NR6A1: variants seen among roughly 807,000 people sequenced by gnomAD.
The protein encoded by NR6A1 is retinoic acid receptor-related testis-associated receptor.
NR6A1 carries 7 observed loss-of-function variants against 59.1 expected under a neutral mutation model. The ratio of observed to expected loss-of-function variants is 0.12; its 90% CI spans 0.07 to 0.22. The LOEUF is 0.22. Among genes scored for constraint, NR6A1 ranks in the 10% least tolerant of loss-of-function variants. The pLI, the probability that NR6A1 is intolerant of heterozygous loss-of-function variation, is 1.00. For synonymous variants in NR6A1, 243 were observed against 236.1 expected (o/e 1.03, Z -0.27); for missense variants, 468 against 611.6 (o/e 0.77, Z 2.48).
intron 8 of NR6A1, among the ~76,000 whole-genome samples, chr9:124,525,559 G>A (rs539156278): frequency 2.8e-4 from 43 of 152,046 alleles, no homozygotes; most frequent in Non-Finnish European, 2.4e-4. Context: ...GTCTCACTAC[G>A]TTGCTTGGGT....
intron 1 of NR6A1, among the ~76,000 whole-genome samples, chr9:124,765,868 CCT>C (rs1840921532): frequency 6.6e-6 from 1 of 152,172 alleles, no homozygotes; most frequent in Non-Finnish European, 1.5e-5. Flanking sequence ...ATGATGCTCT[CCT>C]CTTTTTCCTG....
chr9:124,725,262 CT>C (rs1433019489), intron 2 of NR6A1, among the ~76,000 whole-genome samples: 2 of 152,138 alleles, frequency 1.3e-5, no homozygotes, highest in Admixed American at 6.5e-5. Context: ...TAGAAATGAA[CT>C]TAGCCTGAAC....
chr9:124,553,040 T>C (rs1332436327), intron 3 of NR6A1, among the ~76,000 whole-genome samples: 1 of 152,218 alleles, frequency 6.6e-6, no homozygotes, highest in Non-Finnish European at 1.5e-5. Flanking sequence ...TTGCTGGGTA[T>C]TTTATATGTT....
chr9:124,712,648 G>A (rs1839312355), intron 2 of NR6A1, among the ~76,000 whole-genome samples: 1 of 150,606 alleles, frequency 6.6e-6, no homozygotes, highest in Admixed American at 6.6e-5. Context: ...ATGGCACCAA[G>A]ATTAAAACAT....
chr9:124,631,662 TTTTTAAC>T, intron 2 of NR6A1, among the ~76,000 whole-genome samples: 1 of 152,148 alleles, frequency 6.6e-6, no homozygotes, highest in East Asian at 1.9e-4. Flanking sequence ...CTGCATTTTT[TTTTTAAC>T]TTTTAAGTTC....
chr9:124,597,791 G>C (rs1352867520), intron 2 of NR6A1, among the ~76,000 whole-genome samples: 1 of 152,186 alleles, frequency 6.6e-6, no homozygotes, highest in African/African-American at 2.4e-5. Context: ...GGCGAGAGAA[G>C]ATGAACAGAC....
rs143087389 is a variant in NR6A1, at chr9:124,558,971, T to C, written c.143-4401A>G. ...TTCCTATTGCAAAGGATTTGAAGTG[T>C]ATAAGTGTATTTATAGCATGTTTAC... On this transcript the variant is annotated intron_variant, in intron 2 of 9. Coordinates refer to ENST00000487099, the MANE Select transcript of NR6A1 (RefSeq NM_033334.4). 1.3e-3 allele frequency among the ~76,000 whole-genome samples: 200 copies of C among 152,300 alleles called. 2 individuals are homozygous for C. Among genetic ancestry groups the C allele is most frequent in the African/African-American group, 4.3e-3 (178 of 41,562 alleles).
Position 124,771,230 on chromosome 9 carries a change from C to T in NR6A1, c.-111G>A. 3.6e-6 allele frequency: 2 copies of T among 554,476 alleles called. No individual in the cohort carries two copies. The highest frequency in any genetic ancestry group is 5.4e-6 in the Non-Finnish European group (2 of 370,730). 34.3% of individuals were successfully genotyped at this position (554,476 alleles called of 1,614,324 possible). On this transcript the variant is annotated 5_prime_UTR_variant, in exon 1 of 10. Coordinates refer to ENST00000487099, the MANE Select transcript of NR6A1 (RefSeq NM_033334.4). ...GGAGGTTGTCAGGAGCCCGCGAGCT[C>T]CCGGCCGCGGCTCTCTCTGGGCCCC...
intron 2 of NR6A1, among the ~76,000 whole-genome samples, chr9:124,609,705 G>A (rs1835683959): frequency 6.6e-6 from 1 of 152,214 alleles, no homozygotes; most frequent in Admixed American, 6.5e-5. Context: ...TAGGTGGTAT[G>A]GCCATTTTGA....
intron 7 of NR6A1, among the ~76,000 whole-genome samples, chr9:124,533,751 C>T (rs914427468): frequency 2.0e-5 from 3 of 151,896 alleles, no homozygotes; most frequent in African/African-American, 4.8e-5. Context: ...CCTGGGTTCA[C>T]GCCATTCTCC....
chr9:124,676,742 A>T (rs1837973745), intron 2 of NR6A1, among the ~76,000 whole-genome samples: 1 of 152,216 alleles, frequency 6.6e-6, no homozygotes, highest in Non-Finnish European at 1.5e-5. Context: ...AAGTTTAAGT[A>T]TCCAGATCCT....
At chr9:124,706,239 G>A (rs191105974) in intron 2 of NR6A1, among the ~76,000 whole-genome samples, 4 of 152,164 alleles carry the variant, frequency 2.6e-5, no homozygotes, top group African/African-American at 9.6e-5. Flanking sequence ...TGCCATATAT[G>A]TTATAACTTA....
chr9:124,667,117 C>A (rs1275566499), intron 2 of NR6A1, among the ~76,000 whole-genome samples: 1 of 150,858 alleles, frequency 6.6e-6, no homozygotes, highest in Non-Finnish European at 1.5e-5. Context: ...CTCACTGCAA[C>A]CTCTGCCTCC....
chr9:124,694,829 G>A (rs1224443064), intron 2 of NR6A1, among the ~76,000 whole-genome samples: 1 of 152,178 alleles, frequency 6.6e-6, no homozygotes, highest in East Asian at 1.9e-4. Context: ...TTAGGAAGGA[G>A]AAGTGATGGG....
intron 1 of NR6A1, among the ~76,000 whole-genome samples, chr9:124,756,678 T>C (rs963829284): frequency 6.6e-6 from 1 of 152,228 alleles, no homozygotes; most frequent in Non-Finnish European, 1.5e-5. Context: ...TGCAGATTTC[T>C]AAAGGAATGC....
chr9:124,733,536 A>G (rs568885129), intron 1 of NR6A1, among the ~76,000 whole-genome samples, 187 bp from the exon 2 acceptor site: 24 of 152,314 alleles, frequency 1.6e-4, no homozygotes, highest in Admixed American at 1.3e-3. Flanking sequence ...CAATATAAAA[A>G]CAGATAATAG....
At chr9:124,677,300 G>A (rs1242384909) in intron 2 of NR6A1, among the ~76,000 whole-genome samples, 1 of 152,018 alleles carries the variant, frequency 6.6e-6, no homozygotes, top group Non-Finnish European at 1.5e-5. Context: ...ACTTTGTCAC[G>A]CAGGTTGGAG....
intron 2 of NR6A1, among the ~76,000 whole-genome samples, chr9:124,682,085 C>T (rs1296038286): frequency 6.6e-6 from 1 of 152,104 alleles, no homozygotes; most frequent in Non-Finnish European, 1.5e-5. Flanking sequence ...ACCTCCACCT[C>T]CTTGGTTCAA....
chr9:124,601,830 G>A (rs1408812936), intron 2 of NR6A1, among the ~76,000 whole-genome samples: 1 of 151,570 alleles, frequency 6.6e-6, no homozygotes, highest in Non-Finnish European at 1.5e-5. Context: ...GGTGGCACAC[G>A]CCTGAAGCCC....
Sources: allele counts gnomAD v4.1 joint callset (sites outside exome capture counted in the v4.1 genomes callset), GRCh38; gene constraint gnomAD v4.1.1; transcripts MANE v1.5; gene names NCBI Gene and HGNC (gene_info 2026-07-23, HGNC 2026-07-21).